Variants in TXNDC9 observed in about 807,000 individuals in gnomAD.
The protein encoded by TXNDC9 is thioredoxin domain-containing protein 9.
A neutral mutation model predicts 23.0 loss-of-function variants in TXNDC9; 7 were observed. The observed-to-expected ratio is 0.30, with a 90% CI of 0.17 to 0.57. The LOEUF is 0.57. Among genes scored for constraint, TXNDC9 ranks in the 20% least tolerant of loss-of-function variants. TXNDC9 has a pLI of 0.90. For synonymous variants in TXNDC9, 72 were observed against 90.6 expected (o/e 0.79, Z 1.17); for missense variants, 198 against 252.6 (o/e 0.78, Z 1.47).
At chr2:99,310,067 G>A in the TXNDC9 span, among the ~76,000 whole-genome samples, 1 of 152,162 alleles carries the variant, frequency 6.6e-6, no homozygotes, top group African/African-American at 2.4e-5. Flanking sequence ...TTGTTGTGAT[G>A]ATTACTCAAA....
downstream of TXNDC9, among the ~76,000 whole-genome samples, chr2:99,316,374 T>C (rs2094189073): frequency 6.6e-6 from 1 of 152,104 alleles, no homozygotes; most frequent in Non-Finnish European, 1.5e-5. Flanking sequence ...GGTCTCACTA[T>C]ATTGCCCAGG....
chr2:99,322,252 G>C (rs762525152), intron 3 of TXNDC9, 43 bp from the exon 4 acceptor site: 2 of 1,568,302 alleles, frequency 1.3e-6, no homozygotes, highest in Non-Finnish European at 1.7e-6. Context: ...TAAAACCACA[G>C]ATCGCTTTTT....
At chr2:99,321,880 A>G in intron 4 of TXNDC9, 75 bp downstream of exon 4, 1 of 1,391,972 alleles carries the variant, frequency 7.2e-7, no homozygotes, top group Non-Finnish European at 9.6e-7. Flanking sequence ...AATAAATGTT[A>G]CAATACAAAA....
At chr2:99,328,631 A>T (rs2094218250) in intron 2 of TXNDC9, among the ~76,000 whole-genome samples, 1 of 152,098 alleles carries the variant, frequency 6.6e-6, no homozygotes, top group African/African-American at 2.4e-5. Context: ...GTACTCTTAA[A>T]CTACTAAAAC....
chr2:99,327,786 TTTTTG>T, intron 2 of TXNDC9, 133 bp from the exon 3 acceptor site: 1 of 563,710 alleles, frequency 1.8e-6, no homozygotes, highest in Middle Eastern at 3.0e-4. Context: ...TTTTTGTTTG[TTTTTG>T]TTTTTTTTTT....
chr2:99,333,816 ATTAATG>A (rs1348893099), intron 1 of TXNDC9, among the ~76,000 whole-genome samples: 8 of 152,210 alleles, frequency 5.3e-5, no homozygotes, highest in Non-Finnish European at 1.5e-5. Context: ...TTCCCTGAGC[ATTAATG>A]TCCATTCCTG....
intron 3 of TXNDC9, among the ~76,000 whole-genome samples, chr2:99,326,700 T>C (rs1479056932): frequency 6.6e-6 from 1 of 152,114 alleles, no homozygotes; most frequent in Non-Finnish European, 1.5e-5. Context: ...CCTAGGGTGG[T>C]CTAAGAAAAA....
Position 99,333,141 on chromosome 2 carries a change from G to A in TXNDC9, c.70C>T (p.Leu24=), listed in dbSNP as rs2094230016. Residue 24 remains leucine, a synonymous_variant, in exon 2 of 5, where the codon CTG becomes TTG. Coordinates refer to ENST00000264255, the MANE Select transcript of TXNDC9 (RefSeq NM_005783.4). ...LEHQLLQTTK[L]VEEHLDSEIQ... is the part of the protein sequence containing the mutation. Reference sequence around the variant, plus strand: ...TCAGAATCCAAATGTTCTTCCACCAGTTTGGTAGTCTGAAGCAGCTGATGC... The same window carrying A: ...TCAGAATCCAAATGTTCTTCCACCAATTTGGTAGTCTGAAGCAGCTGATGC... 1 of 1,614,008 alleles carries A rather than the reference G, an allele frequency of 6.2e-7. No homozygotes were observed. The highest frequency in any genetic ancestry group is 2.2e-5 in the East Asian group (1 of 44,880).
chr2:99,319,418 T>G lies in TXNDC9; in HGVS notation c.*264A>C, dbSNP rs534818399. 3.4e-6 allele frequency: 1 copy of G among 296,440 alleles called. No homozygotes were observed. Among genetic ancestry groups the G allele is most frequent in the East Asian group, 7.4e-5 (1 of 13,478 alleles). 18.4% of individuals were successfully genotyped at this position (296,440 alleles called of 1,614,324 possible). A position where few individuals can be genotyped will look rare whatever the true frequency, so the allele number is the denominator to read the frequency against. The stretch of plus-strand genomic sequence containing the variant: ...AACACAATTGTAAATGGTATAAAGA[T>G]GTAAGAATCATATTGTGATAAAGTC... On this transcript the variant is annotated 3_prime_UTR_variant, in exon 5 of 5. Coordinates refer to ENST00000264255, the MANE Select transcript of TXNDC9 (RefSeq NM_005783.4).
intron 2 of TXNDC9, among the ~76,000 whole-genome samples, chr2:99,330,651 A>G (rs954871176): frequency 6.6e-6 from 1 of 152,166 alleles, no homozygotes; most frequent in African/African-American, 2.4e-5. Flanking sequence ...CTCCCTACCT[A>G]AGTGTGCCAG....
intron 3 of TXNDC9, among the ~76,000 whole-genome samples, chr2:99,322,937 A>AT (rs1395837880): frequency 6.6e-6 from 1 of 151,806 alleles, no homozygotes; most frequent in Non-Finnish European, 1.5e-5. Flanking sequence ...AATTTTTTGT[A>AT]TTTTTAGTAG....
chr2:99,317,437 T>C (rs1270402255), downstream of TXNDC9, among the ~76,000 whole-genome samples: 1 of 152,186 alleles, frequency 6.6e-6, no homozygotes, highest in African/African-American at 2.4e-5. Flanking sequence ...CCCTGAAGTA[T>C]GCAGGCTCTG....
At chr2:99,309,161 C>T in the TXNDC9 span, among the ~76,000 whole-genome samples, 1 of 149,938 alleles carries the variant, frequency 6.7e-6, no homozygotes, top group Non-Finnish European at 1.5e-5. Flanking sequence ...TTGCTTGAGC[C>T]CTAGAGTTTG....
chr2:99,308,169 G>A, the TXNDC9 span, among the ~76,000 whole-genome samples: 1 of 151,898 alleles, frequency 6.6e-6, no homozygotes, highest in African/African-American at 2.4e-5. Flanking sequence ...ACGCAAATGG[G>A]AAAAGCAGGC....
chr2:99,307,811 C>T, the TXNDC9 span, among the ~76,000 whole-genome samples: 9 of 143,972 alleles, frequency 6.3e-5, no homozygotes, highest in African/African-American at 1.3e-4. Flanking sequence ...GGGCCAAATG[C>T]GACGTCATAT....
downstream of TXNDC9, among the ~76,000 whole-genome samples, chr2:99,317,011 C>T (rs1221681054): frequency 6.6e-6 from 1 of 152,150 alleles, no homozygotes; most frequent in Non-Finnish European, 1.5e-5. Flanking sequence ...CCGCCTTGGC[C>T]TCCCAAAGTG....
the TXNDC9 span, among the ~76,000 whole-genome samples, chr2:99,310,996 TAA>T: frequency 7.9e-5 from 12 of 152,170 alleles, no homozygotes; most frequent in Non-Finnish European, 1.5e-4. Context: ...TCCCTTTACT[TAA>T]GAGATTCACC....
At chr2:99,323,375 C>T (rs536448376) in intron 3 of TXNDC9, among the ~76,000 whole-genome samples, 10 of 151,856 alleles carry the variant, frequency 6.6e-5, no homozygotes, top group African/African-American at 2.4e-4. Context: ...CCGTTGTACT[C>T]CAACCTGGGC....
intron 4 of TXNDC9, among the ~76,000 whole-genome samples, chr2:99,320,687 C>T (rs1011289021): frequency 2.0e-5 from 3 of 152,112 alleles, no homozygotes; most frequent in African/African-American, 4.8e-5. Flanking sequence ...ATTGTACTGT[C>T]GCTACGTAAG....
Sources: gnomAD v4.1 joint callset for allele counts (sites outside exome capture counted in the v4.1 genomes callset) on GRCh38, gnomAD v4.1.1 for gene constraint, MANE v1.5 for transcripts, NCBI Gene and HGNC (gene_info 2026-07-23, HGNC 2026-07-21) for gene names.